GPHN: variants seen among roughly 807,000 people sequenced by gnomAD.
GPHN encodes the protein gephyrin.
GPHN carries 17 observed loss-of-function variants against 95.5 expected under a neutral mutation model. The observed-to-expected ratio is 0.18, with a 90% CI of 0.12 to 0.27. The LOEUF (loss-of-function observed/expected upper bound fraction) is 0.27. Among genes scored for constraint, GPHN ranks in the 10% least tolerant of loss-of-function variants. The pLI, the probability that GPHN is intolerant of heterozygous loss-of-function variation, is 1.00. For synonymous variants in GPHN, 320 were observed against 322.5 expected (o/e 0.99, Z 0.08); for missense variants, 660 against 978.1 (o/e 0.67, Z 4.34).
At chr14:66,973,020 C>G (rs184009729) in intron 9 of GPHN, among the ~76,000 whole-genome samples, 72 of 152,312 alleles carry the variant, frequency 4.7e-4, no homozygotes, top group African/African-American at 1.7e-3. Flanking sequence ...CTGAAAGGGT[C>G]TCCAGGACCC....
intron 16 of GPHN, among the ~76,000 whole-genome samples, chr14:67,113,743 T>C (rs1029864924): frequency 1.3e-5 from 2 of 152,214 alleles, no homozygotes; most frequent in African/African-American, 4.8e-5. Flanking sequence ...TTTTCATTCC[T>C]GATTTAGAAA....
chr14:67,684,165 C>G, the GPHN span, among the ~76,000 whole-genome samples: 1 of 152,194 alleles, frequency 6.6e-6, no homozygotes. Flanking sequence ...ACTGAAACAA[C>G]TCTGGGGCTC....
At chr14:67,353,055 A>C in the GPHN span, 1 of 1,578,604 alleles carries the variant, frequency 6.3e-7, no homozygotes, top group Admixed American at 1.8e-5. Context: ...ATAAACATAA[A>C]CAAAGTTAAG....
chr14:67,656,381 C>T, the GPHN span: 5 of 1,528,962 alleles, frequency 3.3e-6, no homozygotes, highest in African/African-American at 1.4e-5. Context: ...CTAATTACCC[C>T]ATACTTGCCC....
chr14:66,757,357 C>CAT (rs2058596978), intron 2 of GPHN, among the ~76,000 whole-genome samples: 1 of 151,832 alleles, frequency 6.6e-6, no homozygotes, highest in African/African-American at 2.4e-5. Context: ...CACACACACA[C>CAT]ACACAAATAT....
intron 10 of GPHN, among the ~76,000 whole-genome samples, chr14:67,026,719 T>G (rs1315645401): frequency 6.6e-6 from 1 of 152,250 alleles, no homozygotes; most frequent in African/African-American, 2.4e-5. Context: ...CTCGGCTCAC[T>G]GCAGGCTCCG....
At chr14:67,666,745 C>A in the GPHN span, among the ~76,000 whole-genome samples, 2 of 152,106 alleles carry the variant, frequency 1.3e-5, no homozygotes, top group South Asian at 4.1e-4. Context: ...AGTGCCTGCC[C>A]CACAGTCATT....
the GPHN span, among the ~76,000 whole-genome samples, chr14:67,657,628 A>T: frequency 6.6e-6 from 1 of 151,550 alleles, no homozygotes; most frequent in Non-Finnish European, 1.5e-5. Context: ...ACACACCCAA[A>T]ATCAAAAGGG....
At chr14:67,131,628 A>G (rs748455933) in intron 17 of GPHN, among the ~76,000 whole-genome samples, 28 of 152,174 alleles carry the variant, frequency 1.8e-4, no homozygotes, top group Non-Finnish European at 2.9e-5. Flanking sequence ...TGGGTGGTTC[A>G]TTTTATATTT....
the GPHN span, chr14:67,312,487 A>C: frequency 7.2e-7 from 1 of 1,382,354 alleles, no homozygotes. Flanking sequence ...AACATTTTAT[A>C]TTGCCATTTA....
the GPHN span, among the ~76,000 whole-genome samples, chr14:67,494,773 C>G: frequency 6.6e-6 from 1 of 152,192 alleles, no homozygotes; most frequent in Admixed American, 6.5e-5. Context: ...AAGGCTCGCC[C>G]AACATTTGAC....
chr14:66,543,875 C>T (rs1476156974), intron 1 of GPHN, among the ~76,000 whole-genome samples: 2 of 152,192 alleles, frequency 1.3e-5, no homozygotes, highest in Admixed American at 1.3e-4. Flanking sequence ...CTCAGTTACC[C>T]TTTTACACAT....
chr14:66,556,938 G>C (rs983395271), intron 1 of GPHN, among the ~76,000 whole-genome samples: 8 of 152,132 alleles, frequency 5.3e-5, no homozygotes, highest in African/African-American at 1.7e-4. Flanking sequence ...AGTTGCTCAT[G>C]CCTCTAATTC....
At chr14:67,080,166 C>G (rs2076634789) in intron 11 of GPHN, among the ~76,000 whole-genome samples, 1 of 152,160 alleles carries the variant, frequency 6.6e-6, no homozygotes, top group South Asian at 2.1e-4. Flanking sequence ...CTGACAATTA[C>G]TGATAATGAG....
At chr14:67,099,773 TTAATC>T (rs1228067469) in intron 12 of GPHN, among the ~76,000 whole-genome samples, 1 of 152,126 alleles carries the variant, frequency 6.6e-6, no homozygotes, top group African/African-American at 2.4e-5. Flanking sequence ...AAACGAGCAA[TTAATC>T]TAATGTCCTT....
the GPHN span, among the ~76,000 whole-genome samples, chr14:67,602,241 G>A: frequency 6.6e-6 from 1 of 152,174 alleles, no homozygotes; most frequent in African/African-American, 2.4e-5. Context: ...AGCAGGAGGG[G>A]AGTGGGGAAG....
chr14:66,675,297 A>G (rs1241735932), intron 1 of GPHN, among the ~76,000 whole-genome samples: 5 of 151,752 alleles, frequency 3.3e-5, no homozygotes, highest in African/African-American at 1.2e-4. Flanking sequence ...GGCACGTACC[A>G]CCACGCCCGG....
chr14:66,880,285 CCT>C (rs1416589163), intron 5 of GPHN, among the ~76,000 whole-genome samples: 1 of 151,904 alleles, frequency 6.6e-6, no homozygotes, highest in Admixed American at 6.6e-5. Context: ...TAAGTTTGCC[CCT>C]TTTTTTTCCA....
At chr14:66,566,065 CAA>C (rs2060450718) in intron 1 of GPHN, among the ~76,000 whole-genome samples, 2 of 151,124 alleles carry the variant, frequency 1.3e-5, no homozygotes, top group African/African-American at 4.9e-5. Context: ...TTACCTTCAT[CAA>C]GAGTGATGAT....
Sources: allele counts gnomAD v4.1 joint callset (sites outside exome capture counted in the v4.1 genomes callset), GRCh38; gene constraint gnomAD v4.1.1; transcripts MANE v1.5; gene names NCBI Gene and HGNC (gene_info 2026-07-23, HGNC 2026-07-21).